Variants in GRID2 observed in about 807,000 individuals in gnomAD.
GRID2 encodes glutamate ionotropic receptor delta type subunit 2, also known as glutamate receptor ionotropic, delta-2.
In GRID2, 33 loss-of-function variants were observed where a neutral mutation model predicts 114.8. The ratio of observed to expected loss-of-function variants is 0.29; its 90% CI spans 0.22 to 0.38. The LOEUF (loss-of-function observed/expected upper bound fraction) is 0.38. Among genes scored for constraint, GRID2 ranks in the 10% least tolerant of loss-of-function variants. The pLI, the probability that GRID2 is intolerant of heterozygous loss-of-function variation, is 1.00. For synonymous variants in GRID2, 505 were observed against 449.9 expected (o/e 1.12, Z -1.55); for missense variants, 1,184 against 1,257.7 (o/e 0.94, Z 0.89).
chr4:93,705,948 A>G lies in GRID2; in HGVS notation c.2361-63262A>G, dbSNP rs1486098744. On this transcript the variant is annotated intron_variant, in intron 14 of 15. Transcript: ENST00000282020. ...TTATTGAAGAGACTGTCCTTTCCTC[A>G]GTGTATGTTCTTGGCACCTAAGTTG... Among the ~76,000 whole-genome samples, 59 of 152,096 alleles carry G rather than the reference A, an allele frequency of 3.9e-4. 1 individual carries two copies. Among genetic ancestry groups the G allele is most frequent in the Admixed American group, 3.9e-3 (59 of 15,270 alleles).
At chr4:92,571,713 C>A (rs1215418508) in intron 1 of GRID2, among the ~76,000 whole-genome samples, 2 of 152,080 alleles carry the variant, frequency 1.3e-5, no homozygotes, top group African/African-American at 2.4e-5. Context: ...CAAACTAGAA[C>A]TCAGGATTAA....
chr4:93,687,015 T>C (rs1013577511), intron 14 of GRID2, among the ~76,000 whole-genome samples: 1 of 151,866 alleles, frequency 6.6e-6, no homozygotes, highest in African/African-American at 2.4e-5. Flanking sequence ...GGGAGAACAG[T>C]TAGGAGGCTA....
At chr4:92,658,440 A>G (rs1009859196) in intron 2 of GRID2, among the ~76,000 whole-genome samples, 3 of 151,760 alleles carry the variant, frequency 2.0e-5, no homozygotes, top group Non-Finnish European at 4.4e-5. Flanking sequence ...TTGCACAGGG[A>G]ATTAGATTAG....
In GRID2 at chr4:92,586,419, A is replaced by G. The variant is rs560306912; in HGVS notation, c.89-3712A>G. 3.3e-5 allele frequency among the ~76,000 whole-genome samples: 5 copies of G among 151,892 alleles called. No homozygotes were observed. The East Asian group carries it at 9.6e-4, about 29-fold the overall frequency. ...ATACACACACACAGACACCAAGCAT[A>G]TATCTATTAGGTTAAAAGAAGAAAT... On this transcript the variant is annotated intron_variant, in intron 1 of 15. Transcript: ENST00000282020.
At chr4:93,191,656 A>G (rs1307122263) in intron 4 of GRID2, among the ~76,000 whole-genome samples, 1 of 152,018 alleles carries the variant, frequency 6.6e-6, no homozygotes, top group Non-Finnish European at 1.5e-5. Context: ...AGCAATAAAC[A>G]TTTATTTTTC....
At chr4:92,798,974 T>C (rs113501733) in intron 2 of GRID2, among the ~76,000 whole-genome samples, 14 of 152,074 alleles carry the variant, frequency 9.2e-5, no homozygotes, top group African/African-American at 3.4e-4. Context: ...AAACCAATGG[T>C]CCCCAGCCTT....
chr4:92,499,101 T>C (rs80064702), intron 1 of GRID2, among the ~76,000 whole-genome samples: 9,720 of 152,054 alleles, frequency 0.064, 404 homozygotes, highest in African/African-American at 0.12. Context: ...GGAAATAAGA[T>C]ACATTGTAGA....
intron 8 of GRID2, among the ~76,000 whole-genome samples, chr4:93,354,126 T>C (rs1226184591): frequency 6.6e-6 from 1 of 152,066 alleles, no homozygotes; most frequent in East Asian, 1.9e-4. Flanking sequence ...ATGATCTTTC[T>C]ACCATTATGG....
At chr4:93,409,952 C>T (rs1766943776) in intron 9 of GRID2, among the ~76,000 whole-genome samples, 1 of 152,136 alleles carries the variant, frequency 6.6e-6, no homozygotes, top group Non-Finnish European at 1.5e-5. Context: ...GAGAGATCGA[C>T]AGAGTCATTT....
chr4:93,006,595 GAA>G (rs35210074), intron 2 of GRID2, among the ~76,000 whole-genome samples: 1 of 141,484 alleles, frequency 7.1e-6, no homozygotes, highest in African/African-American at 2.6e-5. Context: ...AGGCCCTACT[GAA>G]AAAAAAAAGA....
Position 93,450,069 on chromosome 4 carries a change from T to TA in GRID2, c.1546-5588dup, listed in dbSNP as rs969268296. Among the ~76,000 whole-genome samples, 5 of 152,040 alleles carry TA rather than the reference T, an allele frequency of 3.3e-5. 1 individual carries two copies. The highest frequency in any genetic ancestry group is 1.2e-4 in the African/African-American group (5 of 41,540). ...TAAGGCAGTATTAAAAATCACCTAA[T>TA]AAAAATGATACAGCCTCCAATTTTA... On this transcript the variant is annotated intron_variant, in intron 10 of 15. Transcript: ENST00000282020.
At chr4:93,128,027 CAAAAAAAAAAAAAAAAA>C (rs1008311457) in intron 4 of GRID2, among the ~76,000 whole-genome samples, 20 of 20,342 alleles carry the variant, frequency 9.8e-4, no homozygotes, top group South Asian at 3.1e-3. Flanking sequence ...TCCCCCGCAA[CAAAAAAAAAAAAAAAAA>C]AAAAAAAAAA....
At chr4:92,769,119 G>A (rs533866687) in intron 2 of GRID2, among the ~76,000 whole-genome samples, 3 of 152,168 alleles carry the variant, frequency 2.0e-5, no homozygotes, top group Non-Finnish European at 4.4e-5. Context: ...ACAATGGGGG[G>A]TACAGACATT....
intron 1 of GRID2, among the ~76,000 whole-genome samples, chr4:92,317,697 T>C (rs1006978637): frequency 6.6e-6 from 1 of 152,196 alleles, no homozygotes; most frequent in Non-Finnish European, 1.5e-5. Context: ...AATAGTTTTA[T>C]TTTCTCAAAA....
intron 2 of GRID2, among the ~76,000 whole-genome samples, chr4:92,724,059 G>A (rs2149319350): frequency 6.6e-6 from 1 of 152,194 alleles, no homozygotes; most frequent in Middle Eastern, 3.4e-3. Flanking sequence ...TCAATATACA[G>A]GAGGGTTTAT....
intron 2 of GRID2, among the ~76,000 whole-genome samples, chr4:93,054,348 G>A (rs1377834041): frequency 6.6e-6 from 1 of 150,726 alleles, no homozygotes; most frequent in Non-Finnish European, 1.5e-5. Flanking sequence ...TTATATTATT[G>A]TAATATTGTT....
chr4:93,594,777 C>G (rs1014349522), intron 13 of GRID2, among the ~76,000 whole-genome samples: 1 of 152,126 alleles, frequency 6.6e-6, no homozygotes, highest in Non-Finnish European at 1.5e-5. Flanking sequence ...TTAAGCCCGT[C>G]GGAAAAGCGC....
chr4:93,681,560 T>C (rs1725539994), intron 14 of GRID2, among the ~76,000 whole-genome samples: 1 of 152,108 alleles, frequency 6.6e-6, no homozygotes, highest in Non-Finnish European at 1.5e-5. Context: ...CAAAACAGCA[T>C]GGTACTGGTA....
chr4:93,207,473 C>A lies in GRID2; in HGVS notation c.789+16C>A, dbSNP rs373381190. The A allele has an allele frequency of 1.3e-6, 2 of 1,512,904 alleles. No individual in the cohort carries two copies. Among genetic ancestry groups the A allele is most frequent in the East Asian group, 4.5e-5 (2 of 44,116 alleles). The allele number at this position is 1,512,904 out of a possible 1,614,324, so 93.7% of individuals were successfully genotyped here. ...TATAAATGAGGTAAAGCCAACTAAA[C>A]CTTATTGTTAACTCTGTGTCCTTTT... On this transcript the variant is annotated intron_variant, in intron 5 of 15. Coordinates refer to ENST00000282020, the MANE Select transcript of GRID2 (RefSeq NM_001510.4).
Sources: gnomAD v4.1 joint callset for allele counts (sites outside exome capture counted in the v4.1 genomes callset) on GRCh38, gnomAD v4.1.1 for gene constraint, MANE v1.5 for transcripts, NCBI Gene and HGNC (gene_info 2026-07-23, HGNC 2026-07-21) for gene names.